The following DYNC2H1 variants were observed in gnomAD, a reference collection of about 807,000 sequenced individuals.
The protein encoded by DYNC2H1 is dynein cytoplasmic 2 heavy chain 1, also known as cytoplasmic dynein 2 heavy chain 1.
Under a neutral mutation model 570.0 loss-of-function variants are expected in DYNC2H1, and 410 were observed. That is an observed-to-expected ratio of 0.72 (90% CI 0.66 to 0.78). The LOEUF (loss-of-function observed/expected upper bound fraction) is 0.78, where lower values mean the gene tolerates loss of function less well. DYNC2H1 is among the 30% of genes least tolerant of loss of function. DYNC2H1 has a pLI of 0.00. For synonymous variants in DYNC2H1, 1,688 were observed against 1,677.6 expected, an observed-to-expected ratio of 1.01 and a Z score of -0.15; for missense variants, 4,865 against 5,046.4, an observed-to-expected ratio of 0.96 and a Z score of 1.09.
chr11:103,433,639 T>C (rs1156427716), intron 84 of DYNC2H1, among the ~76,000 whole-genome samples: 1 of 152,066 alleles, frequency 6.6e-6, no homozygotes, highest in Non-Finnish European at 1.5e-5. Context: ...TAGGCAGAAA[T>C]TATTTACATT....
chr11:103,409,433 GCTTT>G (rs1235408353), intron 84 of DYNC2H1: 1 of 151,984 alleles, frequency 6.6e-6, no homozygotes, highest in East Asian at 1.9e-4. Context: ...GAGCTTGAAT[GCTTT>G]CTTAATTGGT....
chr11:103,263,022 C>CAAAAAA (rs35912109), intron 70 of DYNC2H1, among the ~76,000 whole-genome samples: 16 of 39,968 alleles, frequency 4.0e-4, no homozygotes, highest in Admixed American at 7.3e-4. Flanking sequence ...AAATGGAAAG[C>CAAAAAA]AAAAAAAAAA....
intron 66 of DYNC2H1, 74 bp downstream of exon 66, chr11:103,253,522 A>G: frequency 1.4e-6 from 2 of 1,388,738 alleles, no homozygotes; most frequent in Non-Finnish European, 2.0e-6. Flanking sequence ...TGTGAGTGAG[A>G]AGCTATTTTG....
At position 103,189,605 on chromosome 11, in the gene DYNC2H1, A is replaced by C. The variant is rs1421789932; in HGVS notation, c.7293-67A>C. The C allele has an allele frequency of 1.3e-6, 2 of 1,506,288 alleles. No individual in the cohort carries two copies. The highest frequency in any genetic ancestry group is 1.8e-5 in the Admixed American group (1 of 54,146). The allele number at this position is 1,506,288 out of a possible 1,614,324, so 93.3% of individuals were successfully genotyped here. ...AGTTTCAAAACCACTGTTGTAACTTAACATTGAAATATTAATTTGGAATAC... is the reference window on the plus strand; with the variant it reads ...AGTTTCAAAACCACTGTTGTAACTTCACATTGAAATATTAATTTGGAATAC... On this transcript the variant is annotated intron_variant, in intron 44 of 88. Coordinates refer to ENST00000375735, the MANE Select transcript of DYNC2H1 (RefSeq NM_001377.3). The surrounding 1 kb of genome is among the most constrained non-coding windows in gnomAD (Gnocchi z 4.3).
intron 78 of DYNC2H1, among the ~76,000 whole-genome samples, chr11:103,308,106 C>T (rs1322516599): frequency 1.9e-5 from 2 of 104,264 alleles, no homozygotes; most frequent in Non-Finnish European, 2.0e-5. Flanking sequence ...GCAATATGCA[C>T]CTTGTTGTGC....
intron 59 of DYNC2H1, among the ~76,000 whole-genome samples, chr11:103,225,635 T>C (rs1863772589): frequency 6.6e-6 from 1 of 152,206 alleles, no homozygotes; most frequent in Non-Finnish European, 1.5e-5. Context: ...ACCAGTGCAA[T>C]GCTGTTTTGG....
At chr11:103,231,443 C>T in intron 60 of DYNC2H1, 97 bp downstream of exon 60, 1 of 712,338 alleles carries the variant, frequency 1.4e-6, no homozygotes, top group South Asian at 2.6e-5. Context: ...GATTTAGACT[C>T]TTATGTCAGA....
intron 26 of DYNC2H1, 92 bp from the exon 27 acceptor site, chr11:103,158,585 C>T: frequency 1.0e-6 from 1 of 996,760 alleles, no homozygotes; most frequent in Non-Finnish European, 1.5e-6. Context: ...ACCTTTAGTT[C>T]ATTTTAAGCA....
intron 83 of DYNC2H1, among the ~76,000 whole-genome samples, chr11:103,359,201 T>C (rs1442576820): frequency 6.6e-6 from 1 of 152,230 alleles, no homozygotes; most frequent in African/African-American, 2.4e-5. Context: ...AAGCACAACT[T>C]ATATCTCTGT....
intron 70 of DYNC2H1, among the ~76,000 whole-genome samples, chr11:103,260,370 C>T (rs1865222242): frequency 6.6e-6 from 1 of 152,170 alleles, no homozygotes; most frequent in South Asian, 2.1e-4. Context: ...GCATCTCTGC[C>T]TTCCAGCATT....
At chr11:103,202,555 G>A (rs1212277428) in intron 50 of DYNC2H1, among the ~76,000 whole-genome samples, 4 of 151,466 alleles carry the variant, frequency 2.6e-5, no homozygotes, top group East Asian at 3.9e-4. Context: ...ATCTTGGTAT[G>A]TCTAAAATTT....
At chr11:103,162,630 C>T (rs1861145120) in intron 29 of DYNC2H1, among the ~76,000 whole-genome samples, 1 of 152,188 alleles carries the variant, frequency 6.6e-6, no homozygotes, top group East Asian at 1.9e-4. Context: ...AGGAACTTAG[C>T]CAGCCATTTT....
At chr11:103,458,137 C>T (rs1218111973) in intron 87 of DYNC2H1, among the ~76,000 whole-genome samples, 1 of 152,200 alleles carries the variant, frequency 6.6e-6, no homozygotes, top group Non-Finnish European at 1.5e-5. Flanking sequence ...TGCATTCTTT[C>T]AAACTCCATT....
At chr11:103,167,967 G>A (rs1861400025) in intron 31 of DYNC2H1, among the ~76,000 whole-genome samples, 1 of 152,120 alleles carries the variant, frequency 6.6e-6, no homozygotes, top group African/African-American at 2.4e-5. Flanking sequence ...CCACACCTTG[G>A]GAATGAGTCC....
intron 17 of DYNC2H1, among the ~76,000 whole-genome samples, chr11:103,139,215 C>T (rs2134802848): frequency 6.6e-6 from 1 of 152,140 alleles, no homozygotes; most frequent in African/African-American, 2.4e-5. Context: ...CTATTTCCTT[C>T]AGTTCTGCTC....
At chr11:103,142,129 G>A (rs970662664) in intron 17 of DYNC2H1, among the ~76,000 whole-genome samples, 4 of 152,244 alleles carry the variant, frequency 2.6e-5, no homozygotes, top group Admixed American at 2.0e-4. Context: ...TCTTTGACTA[G>A]GAAAGGGAAC....
chr11:103,236,079 C>A (rs968041353), intron 62 of DYNC2H1, among the ~76,000 whole-genome samples: 1 of 151,806 alleles, frequency 6.6e-6, no homozygotes, highest in Non-Finnish European at 1.5e-5. Flanking sequence ...TTTGATATTG[C>A]ATAGATGCAA....
intron 43 of DYNC2H1, 37 bp from the exon 44 acceptor site, chr11:103,188,460 G>A: frequency 6.9e-7 from 1 of 1,452,400 alleles, no homozygotes; most frequent in Non-Finnish European, 9.3e-7. Context: ...GGAAATCTTA[G>A]ATAAAAAACG....
intron 82 of DYNC2H1, among the ~76,000 whole-genome samples, chr11:103,345,046 C>T (rs1340502566): frequency 6.6e-6 from 1 of 152,198 alleles, no homozygotes; most frequent in Non-Finnish European, 1.5e-5. Context: ...CAATCTCTCA[C>T]ACATGCATTT....
Sources: allele counts gnomAD v4.1 joint callset (sites outside exome capture counted in the v4.1 genomes callset), GRCh38; gene constraint gnomAD v4.1.1; non-coding constraint Gnocchi (gnomAD v3.1); transcripts MANE v1.5; gene names NCBI Gene and HGNC (gene_info 2026-07-23, HGNC 2026-07-21).